The following IL17RD variants were observed in gnomAD, a reference collection of about 807,000 sequenced individuals.
The protein encoded by IL17RD is interleukin 17 receptor D, also known as interleukin-17 receptor D.
Under a neutral mutation model 80.5 loss-of-function variants are expected in IL17RD, and 52 were observed. That is an observed-to-expected ratio of 0.65 (90% CI 0.52 to 0.81). IL17RD has a LOEUF of 0.81. IL17RD is among the 40% of genes least tolerant of loss of function. The pLI is 0.00. For synonymous variants in IL17RD, 416 were observed against 391.8 expected, an observed-to-expected ratio of 1.06 and a Z score of -0.73; for missense variants, 1,024 against 955.1, an observed-to-expected ratio of 1.07 and a Z score of -0.95.
rs147493101 is a variant in IL17RD, at chr3:57,102,489, C to T, written c.969G>A (p.Lys323=). ...CACACAAAGAGATACCTTGTTGCTT[C>T]TTGCGGCACATCACAGTGAAGAGCG... ...FATLFTVMCR[K]KQQENIYSHL... The change falls in exon 10 of 13, where the codon AAG becomes AAA. Residue 323 remains lysine, a synonymous_variant. Coordinates refer to ENST00000296318, the MANE Select transcript of IL17RD (RefSeq NM_017563.5). 15 of 1,550,018 alleles carry T rather than the reference C, an allele frequency of 9.7e-6. No homozygotes were observed. In the African/African-American group the frequency reaches 1.8e-4, roughly 18 times the overall value.
rs1458183198 is a variant in IL17RD at position 57,098,266 on chromosome 3, G to GAA, written c.1436_1437insTT (p.Phe480SerfsTer14). The GAA allele has an allele frequency of 4.3e-6, 7 of 1,613,838 alleles. No individual in the cohort carries two copies. The Admixed American group carries it at 1.2e-4, about 27-fold the overall frequency. ...CGTCTCCCTCGCAGGAATAATCAAA[G>GAA]TAGACGGCGATAAACTTGCTGAGCG... On this transcript the variant is annotated frameshift_variant, in exon 12 of 13. Coordinates refer to ENST00000296318, the MANE Select transcript of IL17RD (RefSeq NM_017563.5). LOFTEE classifies it high-confidence loss of function.
intron 8 of IL17RD, among the ~76,000 whole-genome samples, chr3:57,103,484 C>G (rs1241404469): frequency 1.3e-5 from 2 of 152,142 alleles, no homozygotes; most frequent in Admixed American, 1.3e-4. Context: ...TTTTACTGGG[C>G]CTCCATTAAT....
intron 1 of IL17RD, among the ~76,000 whole-genome samples, chr3:57,149,362 G>A (rs1708004841): frequency 6.6e-6 from 1 of 151,322 alleles, no homozygotes; most frequent in African/African-American, 2.4e-5. Context: ...CAGATCTCAG[G>A]TGAGTCTTCA....
At chr3:57,129,760 T>G (rs1707568467) in intron 1 of IL17RD, among the ~76,000 whole-genome samples, 1 of 152,222 alleles carries the variant, frequency 6.6e-6, no homozygotes, top group Non-Finnish European at 1.5e-5. Context: ...CAACCCCTTC[T>G]GTCAGCCGAT....
At position 57,110,888 on chromosome 3, in the gene IL17RD, A is replaced by G. The variant is rs371097025; in HGVS notation, c.311-577T>C. 6.7e-4 allele frequency among the ~76,000 whole-genome samples: 102 copies of G among 152,358 alleles called. 2 individuals carry two copies. The South Asian group carries it at 0.02, about 30-fold the overall frequency. On this transcript the variant is annotated intron_variant, in intron 3 of 12. Transcript: ENST00000296318. ...GGTTCTTGCTCTAATCATGCCTGAA[A>G]GGCAGACACCCAAGGGTTGCCCAGT...
rs79175431 is a variant in IL17RD at position 57,151,755 on chromosome 3, T to C, written c.126+13406A>G. Among the ~76,000 whole-genome samples the C allele has an allele frequency of 8.4e-3, 1,276 of 152,244 alleles. 83 individuals carry two copies. The East Asian group carries it at 0.16, about 19-fold the overall frequency. On this transcript the variant is annotated intron_variant, in intron 1 of 12. Coordinates refer to ENST00000296318, the MANE Select transcript of IL17RD (RefSeq NM_017563.5). ...TGCCAGGAGCAGCCTACCCCAGCTG[T>C]GACAACCAAAAATGTCTCCAGAAAT...
At chr3:57,154,438 C>A (rs1027595002) in intron 1 of IL17RD, among the ~76,000 whole-genome samples, 3 of 151,802 alleles carry the variant, frequency 2.0e-5, no homozygotes, top group Non-Finnish European at 4.4e-5. Context: ...ATTATCTACC[C>A]CCATCCTTTT....
chr3:57,161,312 T>C (rs2060303155), intron 1 of IL17RD, among the ~76,000 whole-genome samples: 1 of 152,228 alleles, frequency 6.6e-6, no homozygotes, highest in South Asian at 2.1e-4. Context: ...TGCATCCAAT[T>C]CAGAATCAAA....
chr3:57,097,507 G>T, intron 12 of IL17RD, 89 bp downstream of exon 12: 1 of 1,015,414 alleles, frequency 9.8e-7, no homozygotes, highest in Non-Finnish European at 1.5e-6. Flanking sequence ...CAATAAGTTG[G>T]CACCAAAAGT....
upstream of IL17RD, among the ~76,000 whole-genome samples, chr3:57,165,541 ACT>A (rs1327732394): frequency 2.1e-5 from 3 of 142,230 alleles, no homozygotes; most frequent in Non-Finnish European, 3.1e-5. Context: ...CCCCACTGAG[ACT>A]CTGGCAGCCG....
rs545984999 is a variant in IL17RD, at chr3:57,165,288, G to A, written c.-2C>T. The A allele has an allele frequency of 1.7e-4, 248 of 1,464,268 alleles. 1 individual carries two copies. The East Asian group carries it at 6.8e-3, about 40-fold the overall frequency. The allele number at this position is 1,464,268 out of a possible 1,614,324, so 90.7% of individuals were successfully genotyped here. On this transcript the variant is annotated 5_prime_UTR_variant, in exon 1 of 13. Coordinates refer to ENST00000296318, the MANE Select transcript of IL17RD (RefSeq NM_017563.5). The stretch of plus-strand genomic sequence containing the variant: ...GCAGAGCTGCAGCCACGGGGCCATG[G>A]CCGTGCGCTCGCCCAGCCAGGCCGT...
chr3:57,156,607 C>T (rs1371059048), intron 1 of IL17RD, among the ~76,000 whole-genome samples: 1 of 152,160 alleles, frequency 6.6e-6, no homozygotes, highest in African/African-American at 2.4e-5. Flanking sequence ...AGACCTAACA[C>T]ACAGAACACA....
At chr3:57,156,069 G>A (rs551561871) in intron 1 of IL17RD, among the ~76,000 whole-genome samples, 9 of 152,190 alleles carry the variant, frequency 5.9e-5, no homozygotes, top group Non-Finnish European at 1.0e-4. Context: ...CACTGTTCTC[G>A]TGATGCAGAA....
rs757923257 is a variant in IL17RD, at chr3:57,096,522, G to A, written c.2108-17C>T. On this transcript the variant is annotated splice_polypyrimidine_tract_variant and intron_variant, in intron 12 of 12. Transcript: ENST00000296318. ...CCTCCTCACCTAAGGAGAGAAGAGA[G>A]TACAGAGTCACACTGTCATTGCATT... The A allele has an allele frequency of 2.8e-5, 43 of 1,513,810 alleles. No individual in the cohort carries two copies. Among genetic ancestry groups the A allele is most frequent in the Non-Finnish European group, 3.9e-5 (42 of 1,088,618 alleles). 93.8% of individuals were successfully genotyped at this position (1,513,810 alleles called of 1,614,324 possible).
intron 2 of IL17RD, among the ~76,000 whole-genome samples, chr3:57,119,256 G>A (rs1707281272): frequency 6.6e-6 from 1 of 152,078 alleles, no homozygotes; most frequent in Non-Finnish European, 1.5e-5. Context: ...GGAGGCTGAG[G>A]CAGGAGAATG....
At position 57,097,700 on chromosome 3, in the gene IL17RD, G is replaced by C. The variant is rs1023138683; in HGVS notation, c.2003C>G (p.Ser668Cys). The C allele has an allele frequency of 1.2e-6, 2 of 1,605,840 alleles. No individual in the cohort carries two copies. Among genetic ancestry groups the C allele is most frequent in the East Asian group, 2.2e-5 (1 of 44,660 alleles). Residue 668 changes from serine to cysteine, a missense_variant, in exon 12 of 13, where the codon TCT (serine) becomes TGT (cysteine). By Grantham distance (112) the Ser-to-Cys change is moderately radical. Transcript: ENST00000296318. ...MPRDSGIYDSSVPSSELSLPL... is the reference protein window; with the variant it reads ...MPRDSGIYDSCVPSSELSLPL... ...CAGAGACAGCTCGGATGAGGGCACA[G>C]ACGAGTCATAGATGCCTGAGTCCCG...
chr3:57,115,582 G>A (rs930931347), intron 2 of IL17RD, among the ~76,000 whole-genome samples: 5 of 152,084 alleles, frequency 3.3e-5, no homozygotes, highest in African/African-American at 1.2e-4. Flanking sequence ...CTTCAAAATC[G>A]GCAAGTTTCC....
intron 1 of IL17RD, among the ~76,000 whole-genome samples, chr3:57,141,358 C>A (rs1270865579): frequency 6.6e-6 from 1 of 152,144 alleles, no homozygotes; most frequent in Non-Finnish European, 1.5e-5. Flanking sequence ...GCAAATGTCT[C>A]TGTATTTCAT....
upstream of IL17RD, among the ~76,000 whole-genome samples, chr3:57,165,763 G>A (rs986981382): frequency 1.3e-5 from 2 of 152,090 alleles, no homozygotes; most frequent in Admixed American, 6.6e-5. Flanking sequence ...CCAGTTTTAG[G>A]CGCAGAAAAG....
Sources: allele counts gnomAD v4.1 joint callset (sites outside exome capture counted in the v4.1 genomes callset), GRCh38; gene constraint gnomAD v4.1.1; transcripts MANE v1.5; gene names NCBI Gene and HGNC (gene_info 2026-07-23, HGNC 2026-07-21).